The following LMTK2 variants were observed in gnomAD, a reference collection of about 807,000 sequenced individuals.
LMTK2 encodes serine/threonine-protein kinase LMTK2.
In LMTK2, 37 loss-of-function variants were observed where a neutral mutation model predicts 127.5. That is an observed-to-expected ratio of 0.29 (90% CI 0.22 to 0.38). LMTK2 has a LOEUF of 0.38. Among genes scored for constraint, LMTK2 ranks in the 10% least tolerant of loss-of-function variants. LMTK2 has a pLI of 1.00. For synonymous variants in LMTK2, 819 were observed against 810.1 expected (o/e 1.01, Z -0.19); for missense variants, 1,694 against 1,920.3 (o/e 0.88, Z 2.20).
chr7:98,193,177 T>C lies in LMTK2; in HGVS notation c.2712T>C (p.Ala904=). ...LRLTESDSVL[A]DDILASRVSV... ...TCACCGAAAGTGACTCTGTTCTTGC[T>C]GATGACATCCTTGCCAGCAGGGTGA... Residue 904 remains alanine (A), a synonymous_variant, in exon 11 of 14, where the codon GCT becomes GCC. Transcript: ENST00000297293. The surrounding 1 kb of genome is among the most constrained non-coding windows in gnomAD (Gnocchi z 4.1). 8 of 1,613,780 alleles carry C rather than the reference T, an allele frequency of 5.0e-6. No homozygotes were observed. Among genetic ancestry groups the C allele is most frequent in the Non-Finnish European group, 6.8e-6 (8 of 1,180,026 alleles).
intron 3 of LMTK2, among the ~76,000 whole-genome samples, chr7:98,146,277 T>C (rs532360143): frequency 1.3e-5 from 2 of 152,300 alleles, no homozygotes; most frequent in South Asian, 2.1e-4. Flanking sequence ...CTTCTTTGTT[T>C]TAATTTTTCA....
intron 5 of LMTK2, among the ~76,000 whole-genome samples, chr7:98,159,017 C>A (rs1796973382): frequency 6.6e-6 from 1 of 152,144 alleles, no homozygotes; most frequent in Non-Finnish European, 1.5e-5. Context: ...ATGATTGCAC[C>A]ACTGCACTCC....
At chr7:98,124,018 T>C (rs756078033) in intron 1 of LMTK2, among the ~76,000 whole-genome samples, 20 of 152,234 alleles carry the variant, frequency 1.3e-4, no homozygotes, top group Non-Finnish European at 2.6e-4. Flanking sequence ...TTGTTTTTTA[T>C]TATTTTTTAG....
chr7:98,177,349 G>A lies in LMTK2; in HGVS notation c.791+5675G>A, dbSNP rs1196710110. ...TATTATGTGAGAAAGACACAGGACT[G>A]TATGAAGAAAACTATGAAATCTTAT... On this transcript the variant is annotated intron_variant, in intron 7 of 13. Transcript: ENST00000297293. Among the ~76,000 whole-genome samples the A allele has an allele frequency of 3.3e-5, 5 of 152,166 alleles. No homozygotes were observed. In the South Asian group the frequency reaches 6.2e-4, roughly 19 times the overall value.
intron 5 of LMTK2, among the ~76,000 whole-genome samples, chr7:98,158,635 T>TAAAAAA (rs199512480): frequency 0.012 from 1,803 of 152,148 alleles, 11 homozygotes; most frequent in Non-Finnish European, 0.019. Context: ...AATAATACAG[T>TAAAAAA]ATAACAGTTT....
At chr7:98,178,918 A>G (rs1056487080) in intron 7 of LMTK2, among the ~76,000 whole-genome samples, 2 of 152,158 alleles carry the variant, frequency 1.3e-5, no homozygotes, top group African/African-American at 4.8e-5. Context: ...CCAGCATCAC[A>G]TGGTCTTGCA....
Position 98,194,154 on chromosome 7 carries a change from C to G in LMTK2, c.3689C>G (p.Thr1230Ser). The G allele has an allele frequency of 6.2e-7, 1 of 1,613,992 alleles. No homozygotes were observed. Among genetic ancestry groups the G allele is most frequent in the African/African-American group, 1.3e-5 (1 of 75,018 alleles). The change falls in exon 11 of 14, where the codon ACC becomes AGC. Residue 1230 changes from threonine (T) to serine (S), a missense_variant. Around this residue, in one of 8 missense-constraint regions of LMTK2, gnomAD observed 554 missense variants for 567.7 expected, o/e 0.98. Transcript: ENST00000297293. The surrounding 1 kb of genome is among the most constrained non-coding windows in gnomAD (Gnocchi z 5.4). The stretch of plus-strand genomic sequence containing the variant: ...CCCTGCACCCTCGCTTCCACGGGGA[C>G]CAACACGAACGAACTCCTTGCCTAC... Reference protein sequence around the residue: ...DRPCTLASTGTNTNELLAYTN... With the variant: ...DRPCTLASTGSNTNELLAYTN...
intron 11 of LMTK2, among the ~76,000 whole-genome samples, chr7:98,198,326 G>A (rs1443565710): frequency 6.6e-6 from 1 of 152,010 alleles, no homozygotes; most frequent in Non-Finnish European, 1.5e-5. Flanking sequence ...CAATAGCTGG[G>A]ATTACAGGCG....
intron 11 of LMTK2, among the ~76,000 whole-genome samples, chr7:98,197,878 T>G (rs114069993): frequency 0.014 from 2,163 of 152,256 alleles, 50 homozygotes; most frequent in African/African-American, 0.049. Flanking sequence ...GAATAAACAT[T>G]CAGGGCTCCA....
At chr7:98,169,765 C>T (rs1797157190) in intron 6 of LMTK2, among the ~76,000 whole-genome samples, 1 of 151,958 alleles carries the variant, frequency 6.6e-6, no homozygotes, top group East Asian at 1.9e-4. Context: ...TCCCAAGCTC[C>T]ACAGAGCCTA....
At chr7:98,125,571 A>C (rs1796432466) in intron 1 of LMTK2, among the ~76,000 whole-genome samples, 1 of 152,114 alleles carries the variant, frequency 6.6e-6, no homozygotes, top group African/African-American at 2.4e-5. Flanking sequence ...TCAGTAGGTG[A>C]CACCCCTGTC....
At chr7:98,179,157 G>T (rs187386571) in intron 7 of LMTK2, among the ~76,000 whole-genome samples, 2 of 152,350 alleles carry the variant, frequency 1.3e-5, no homozygotes, top group African/African-American at 4.8e-5. Context: ...TTCTGCAGGC[G>T]TAATTGTTCA....
intron 5 of LMTK2, among the ~76,000 whole-genome samples, chr7:98,155,696 G>T (rs1796917243): frequency 6.6e-6 from 1 of 151,082 alleles, no homozygotes; most frequent in Admixed American, 6.6e-5. Flanking sequence ...ATATCCTTCA[G>T]GAATGAAGGG....
chr7:98,137,446 A>G lies in LMTK2; in HGVS notation c.231+4A>G. 6.2e-7 allele frequency: 1 copy of G among 1,610,418 alleles called. No homozygotes were observed. On this transcript the variant is annotated splice_donor_region_variant and intron_variant, in intron 2 of 13. Coordinates refer to ENST00000297293, the MANE Select transcript of LMTK2 (RefSeq NM_014916.4). Reference sequence around the variant, plus strand: ...GGACCCAGAAATAGACTTTAAGGTGAGCACAGAGGGTAGGAACATTTAAAA... The same window carrying G: ...GGACCCAGAAATAGACTTTAAGGTGGGCACAGAGGGTAGGAACATTTAAAA...
rs147342659 is a variant in LMTK2, at chr7:98,193,123, T to C, written c.2658T>C (p.Ser886=). 6.2e-7 allele frequency: 1 copy of C among 1,613,576 alleles called. No individual in the cohort carries two copies. Among genetic ancestry groups the C allele is most frequent in the Non-Finnish European group, 8.5e-7 (1 of 1,180,028 alleles). The change falls in exon 11 of 14, where the codon TCT becomes TCC. Residue 886 remains serine (S), a synonymous_variant. Coordinates refer to ENST00000297293, the MANE Select transcript of LMTK2 (RefSeq NM_014916.4). This position sits in a 1 kb window ranked among gnomAD's most constrained non-coding sequence, Gnocchi z 4.1. ...THSLDNRSQD[S]PGESEETLRL... ...GCCTGGATAACAGGTCCCAGGACTC[T>C]CCTGGCGAGAGTGAGGAGACCCTGC...
intron 12 of LMTK2, 32 bp from the exon 13 acceptor site, chr7:98,203,911 TA>T: frequency 4.3e-6 from 7 of 1,610,552 alleles, no homozygotes; most frequent in Non-Finnish European, 5.9e-6. Flanking sequence ...CACGCAGTGA[TA>T]AAAAGGGTGG....
At chr7:98,127,376 T>C (rs1400125483) in intron 1 of LMTK2, among the ~76,000 whole-genome samples, 1 of 152,164 alleles carries the variant, frequency 6.6e-6, no homozygotes, top group Admixed American at 6.5e-5. Context: ...GTTGGGCCCA[T>C]TTGGAAGGTT....
intron 7 of LMTK2, among the ~76,000 whole-genome samples, chr7:98,183,169 A>ACTGTC (rs1411996751): frequency 6.6e-6 from 1 of 152,248 alleles, no homozygotes; most frequent in African/African-American, 2.4e-5. Flanking sequence ...TAGAGGCAAA[A>ACTGTC]TCTTACATTC....
chr7:98,200,816 TTTGTTGTTGTTG>T lies in LMTK2; in HGVS notation c.4108-2746_4108-2735del, dbSNP rs138102097. Among the ~76,000 whole-genome samples the T allele has an allele frequency of 4.6e-3, 703 of 151,836 alleles. 17 individuals are homozygous for T. Among genetic ancestry groups the T allele is most frequent in the Admixed American group, 0.038 (577 of 15,216 alleles). ...ATAGTTGTTATACTGTATTATTTAT[TTTGTTGTTGTTG>T]TTGTTGTTGTTATACTGTTATTTCT... On this transcript the variant is annotated intron_variant, in intron 11 of 13. Transcript: ENST00000297293.
Sources: gnomAD v4.1 joint callset for allele counts (sites outside exome capture counted in the v4.1 genomes callset) on GRCh38, gnomAD v4.1.1 for gene constraint, gnomAD v4.1.1 regional missense constraint, Gnocchi (gnomAD v3.1) non-coding constraint, MANE v1.5 for transcripts, NCBI Gene and HGNC (gene_info 2026-07-23, HGNC 2026-07-21) for gene names.